GSK3B: variants seen among roughly 807,000 people sequenced by gnomAD.
GSK3B encodes glycogen synthase kinase-3 beta.
GSK3B carries 15 observed loss-of-function variants against 56.4 expected under a neutral mutation model. That is an observed-to-expected ratio of 0.27 (90% CI 0.18 to 0.41). GSK3B has a LOEUF of 0.41. GSK3B is among the 10% of genes least tolerant of loss of function. The pLI is 1.00. For synonymous variants in GSK3B, 181 were observed against 188.9 expected (o/e 0.96, Z 0.34); for missense variants, 300 against 513.4 (o/e 0.58, Z 4.02).
intron 8 of GSK3B, among the ~76,000 whole-genome samples, chr3:119,869,234 A>AAAC (rs2056222245): frequency 6.7e-6 from 1 of 150,362 alleles, no homozygotes; most frequent in African/African-American, 2.5e-5. Context: ...AAAAAAAAAA[A>AAAC]AAAAAAAAAA....
intron 7 of GSK3B, among the ~76,000 whole-genome samples, chr3:119,898,239 A>G (rs903335632): frequency 2.0e-5 from 3 of 152,200 alleles, no homozygotes; most frequent in African/African-American, 7.2e-5. Flanking sequence ...GAATGGTTGT[A>G]CAGGTACTCA....
At chr3:119,894,184 A>T (rs2056536015) in intron 7 of GSK3B, among the ~76,000 whole-genome samples, 1 of 151,960 alleles carries the variant, frequency 6.6e-6, no homozygotes, top group South Asian at 2.1e-4. Flanking sequence ...CAGTTGCTAG[A>T]AATTTTATTT....
chr3:120,090,586 T>A (rs745466703), intron 1 of GSK3B, among the ~76,000 whole-genome samples: 1 of 152,232 alleles, frequency 6.6e-6, no homozygotes, highest in Non-Finnish European at 1.5e-5. Flanking sequence ...CAGTCCAGTA[T>A]GAAGTTCTGC....
At chr3:120,083,161 G>T (rs760636323) in intron 1 of GSK3B, among the ~76,000 whole-genome samples, 1 of 152,036 alleles carries the variant, frequency 6.6e-6, no homozygotes, top group Non-Finnish European at 1.5e-5. Context: ...AAAAAACAAT[G>T]AACAACTTTT....
At chr3:119,872,405 C>A (rs1425239975) in intron 8 of GSK3B, among the ~76,000 whole-genome samples, 1 of 152,116 alleles carries the variant, frequency 6.6e-6, no homozygotes, top group Non-Finnish European at 1.5e-5. Context: ...CAAGCAAAAA[C>A]TGGCACATAA....
At position 120,019,283 on chromosome 3, in the gene GSK3B, T is replaced by C. The variant is rs186350023; in HGVS notation, c.89-17044A>G. ...AAAAAAAATACTGAAACAGTTCATA[T>C]AAAAATACCATAGTAGCATTCTACT... On this transcript the variant is annotated intron_variant, in intron 1 of 10. Transcript: ENST00000264235. 5.1e-4 allele frequency among the ~76,000 whole-genome samples: 77 copies of C among 152,218 alleles called. No individual in the cohort carries two copies. The Middle Eastern group carries it at 0.01, about 20-fold the overall frequency.
At chr3:120,073,056 G>A (rs546383078) in intron 1 of GSK3B, among the ~76,000 whole-genome samples, 1 of 152,032 alleles carries the variant, frequency 6.6e-6, no homozygotes, top group Non-Finnish European at 1.5e-5. Flanking sequence ...ACCTTGGCAA[G>A]AGTTACTTAA....
chr3:119,829,673 T>C (rs570341528), intron 10 of GSK3B, among the ~76,000 whole-genome samples: 46 of 152,220 alleles, frequency 3.0e-4, no homozygotes, highest in Non-Finnish European at 5.9e-4. Context: ...GCTTGTGACA[T>C]TGCCAAAACC....
chr3:119,922,208 GGGAAGGAAGGAA>G (rs1195120758), intron 4 of GSK3B, among the ~76,000 whole-genome samples: 4 of 99,340 alleles, frequency 4.0e-5, no homozygotes, highest in East Asian at 2.9e-4. Context: ...TAGGGAAGGA[GGGAAGGAAGGAA>G]GGAAGGAGGG....
intron 4 of GSK3B, among the ~76,000 whole-genome samples, chr3:119,919,556 TC>T (rs2056817162): frequency 6.8e-6 from 1 of 147,876 alleles, no homozygotes; most frequent in Admixed American, 6.7e-5. Flanking sequence ...AGAAAAATCA[TC>T]CCTTTTCCCA....
chr3:119,907,614 G>T (rs1317613448), intron 6 of GSK3B, among the ~76,000 whole-genome samples: 3 of 152,134 alleles, frequency 2.0e-5, no homozygotes, highest in South Asian at 2.1e-4. Flanking sequence ...TAGAAATAGT[G>T]CTTTGGCACA....
At chr3:119,880,762 TG>T (rs2056370622) in intron 7 of GSK3B, among the ~76,000 whole-genome samples, 1 of 152,198 alleles carries the variant, frequency 6.6e-6, no homozygotes. Context: ...AACATTGTTC[TG>T]GGGATATGTG....
rs1023190889 is a variant in GSK3B, at chr3:119,870,038, C to T, written c.909+6375G>A. Among the ~76,000 whole-genome samples the T allele has an allele frequency of 5.3e-5, 8 of 152,312 alleles. No individual in the cohort carries two copies. In the South Asian group the frequency reaches 8.3e-4, roughly 16 times the overall value. Reference sequence around the variant, plus strand: ...ATAGAAATATTTTCTTTTCATTCAGCTCTCTCCACCTTGAGAGATATTCAC... The same window carrying T: ...ATAGAAATATTTTCTTTTCATTCAGTTCTCTCCACCTTGAGAGATATTCAC... On this transcript the variant is annotated intron_variant, in intron 8 of 10. Coordinates refer to ENST00000264235, the MANE Select transcript of GSK3B (RefSeq NM_001146156.2).
intron 8 of GSK3B, among the ~76,000 whole-genome samples, chr3:119,869,518 G>A (rs1273965460): frequency 2.6e-5 from 4 of 152,150 alleles, no homozygotes; most frequent in Non-Finnish European, 5.9e-5. Flanking sequence ...AGAAGGTTGA[G>A]CATAAGAAAC....
intron 3 of GSK3B, among the ~76,000 whole-genome samples, chr3:119,925,290 T>A (rs1252974874): frequency 1.2e-4 from 18 of 152,210 alleles, no homozygotes; most frequent in Admixed American, 1.1e-3. Context: ...GATCATGCCA[T>A]GCACTCCAGT....
intron 6 of GSK3B, 84 bp downstream of exon 6, chr3:119,912,620 T>C: frequency 5.3e-6 from 3 of 570,724 alleles, no homozygotes; most frequent in Non-Finnish European, 6.4e-6. Flanking sequence ...TCCATGGAAA[T>C]AAAAGTACAG....
intron 4 of GSK3B, among the ~76,000 whole-genome samples, chr3:119,916,518 C>G (rs1227697770): frequency 6.6e-6 from 1 of 152,182 alleles, no homozygotes; most frequent in Non-Finnish European, 1.5e-5. Flanking sequence ...ATGAAAAGCT[C>G]AGAGAGGCAC....
intron 3 of GSK3B, among the ~76,000 whole-genome samples, chr3:119,925,255 G>A (rs972667281): frequency 6.6e-6 from 1 of 152,176 alleles, no homozygotes; most frequent in Non-Finnish European, 1.5e-5. Flanking sequence ...CTTCAGCCTG[G>A]GAGGCAAAGG....
chr3:120,092,775 C>A (rs1441466237), intron 1 of GSK3B, among the ~76,000 whole-genome samples: 2 of 152,042 alleles, frequency 1.3e-5, no homozygotes, highest in Non-Finnish European at 2.9e-5. Flanking sequence ...ATGGCAGCCT[C>A]CAAATGTGAA....
Sources: allele counts gnomAD v4.1 joint callset (sites outside exome capture counted in the v4.1 genomes callset), GRCh38; gene constraint gnomAD v4.1.1; transcripts MANE v1.5; gene names NCBI Gene and HGNC (gene_info 2026-07-23, HGNC 2026-07-21).